The following COL19A1 variants were observed in gnomAD, a reference collection of about 807,000 sequenced individuals.
The protein encoded by COL19A1 is collagen type XIX alpha 1 chain, also known as collagen alpha-1(XIX) chain.
Under a neutral mutation model 190.2 loss-of-function variants are expected in COL19A1, and 159 were observed. The observed-to-expected ratio is 0.84, with a 90% confidence interval of 0.73 to 0.95. COL19A1 has a LOEUF of 0.95. Among genes scored for constraint, COL19A1 ranks in the 40% least tolerant of loss-of-function variants. The pLI is 0.00. For synonymous variants in COL19A1, 509 were observed against 458.9 expected (o/e 1.11, Z -1.39); for missense variants, 1,418 against 1,431.9 (o/e 0.99, Z 0.16).
intron 14 of COL19A1, among the ~76,000 whole-genome samples, chr6:70,060,129 T>C (rs1173129495): frequency 6.6e-6 from 1 of 152,152 alleles, no homozygotes; most frequent in African/African-American, 2.4e-5. Context: ...CTCATAGACA[T>C]CAGAGAATAG....
In COL19A1 at chr6:70,010,507, C is replaced by A. The variant is rs531287067; in HGVS notation, c.1027-13120C>A. Among the ~76,000 whole-genome samples, 7 of 142,382 alleles carry A rather than the reference C, an allele frequency of 4.9e-5. 1 individual carries two copies. Among genetic ancestry groups the A allele is most frequent in the South Asian group, 2.2e-4 (1 of 4,494 alleles). The allele number at this position is 142,382 out of a possible 152,430, so 93.4% of individuals were successfully genotyped here. A position where few individuals can be genotyped will look rare whatever the true frequency, so the allele number is the denominator to read the frequency against. On this transcript the variant is annotated intron_variant, in intron 11 of 50. Coordinates refer to ENST00000620364, the MANE Select transcript of COL19A1 (RefSeq NM_001858.6). Reference sequence around the variant, plus strand: ...GGCGCAGGCCAGTGTGTGTGCGCACCGTGCGCGAGCGGAAGCAGGGCGAGG... The same window carrying A: ...GGCGCAGGCCAGTGTGTGTGCGCACAGTGCGCGAGCGGAAGCAGGGCGAGG...
At chr6:70,039,084 T>C (rs575128316) in intron 14 of COL19A1, among the ~76,000 whole-genome samples, 3 of 152,050 alleles carry the variant, frequency 2.0e-5, no homozygotes, top group Non-Finnish European at 4.4e-5. Flanking sequence ...AATGGTTCTC[T>C]ATCTTGACTG....
intron 34 of COL19A1, among the ~76,000 whole-genome samples, chr6:70,159,521 C>T (rs540277061): frequency 1.3e-3 from 200 of 152,018 alleles, no homozygotes; most frequent in African/African-American, 4.7e-3. Context: ...AAGATTTGGC[C>T]CAAGACTTAT....
At chr6:70,095,976 G>A (rs747891622) in intron 15 of COL19A1, among the ~76,000 whole-genome samples, 7 of 152,046 alleles carry the variant, frequency 4.6e-5, no homozygotes, top group Non-Finnish European at 5.9e-5. Context: ...TGTCTATTGA[G>A]AATAATACTG....
chr6:69,914,889 A>G (rs1260386052), intron 4 of COL19A1, among the ~76,000 whole-genome samples: 4 of 152,248 alleles, frequency 2.6e-5, no homozygotes, highest in Admixed American at 2.0e-4. Context: ...CTTGCTTTTC[A>G]GTTCATGAGC....
intron 16 of COL19A1, among the ~76,000 whole-genome samples, chr6:70,117,369 A>G (rs1784636898): frequency 6.6e-6 from 1 of 152,218 alleles, no homozygotes; most frequent in Non-Finnish European, 1.5e-5. Context: ...CAAAACTGAA[A>G]TCTACTAAGG....
intron 31 of COL19A1, among the ~76,000 whole-genome samples, chr6:70,155,569 G>C (rs536575451): frequency 1.9e-4 from 29 of 152,250 alleles, no homozygotes; most frequent in African/African-American, 6.7e-4. Flanking sequence ...TATGACCTAG[G>C]AGTCAAGTTT....
At chr6:69,927,879 C>G in intron 4 of COL19A1, 30 bp from the exon 5 acceptor site, 9 of 1,579,560 alleles carry the variant, frequency 5.7e-6, no homozygotes, top group Non-Finnish European at 7.8e-6. Context: ...TCCAGTTTCC[C>G]CACAAAAGTT....
At chr6:70,196,539 G>A (rs1293202664) in intron 48 of COL19A1, among the ~76,000 whole-genome samples, 1 of 152,184 alleles carries the variant, frequency 6.6e-6, no homozygotes, top group East Asian at 1.9e-4. Flanking sequence ...ATAGAAGATA[G>A]ACATGGGCCA....
intron 8 of COL19A1, among the ~76,000 whole-genome samples, chr6:69,937,805 G>A (rs77229915): frequency 0.023 from 3,507 of 152,268 alleles, 134 homozygotes; most frequent in African/African-American, 0.078. Context: ...CTCATGGAAG[G>A]TCTGGAGGAG....
At chr6:69,921,174 T>C (rs932189380) in intron 4 of COL19A1, among the ~76,000 whole-genome samples, 1 of 129,984 alleles carries the variant, frequency 7.7e-6, no homozygotes, top group African/African-American at 2.8e-5. Flanking sequence ...TTCATATACG[T>C]ATCACATATA....
intron 9 of COL19A1, among the ~76,000 whole-genome samples, chr6:69,952,291 G>A (rs1402065246): frequency 4.0e-5 from 6 of 151,678 alleles, no homozygotes; most frequent in Admixed American, 1.3e-4. Flanking sequence ...CAAACATTCC[G>A]CGCTTGACTC....
intron 11 of COL19A1, among the ~76,000 whole-genome samples, chr6:69,992,748 C>T (rs879282838): frequency 3.9e-5 from 6 of 151,948 alleles, no homozygotes; most frequent in Non-Finnish European, 7.4e-5. Flanking sequence ...CGATTTGGCT[C>T]TCAGCTTGGA....
chr6:70,159,423 T>TACACAC (rs146845787), intron 34 of COL19A1, among the ~76,000 whole-genome samples: 25 of 148,878 alleles, frequency 1.7e-4, no homozygotes, highest in African/African-American at 3.7e-4. Context: ...CACATACACA[T>TACACAC]ACACACACAC....
intron 2 of COL19A1, among the ~76,000 whole-genome samples, chr6:69,880,690 A>G (rs1768480034): frequency 6.6e-6 from 1 of 152,148 alleles, no homozygotes; most frequent in Non-Finnish European, 1.5e-5. Context: ...TTCACATGAA[A>G]GTTTGAATAT....
chr6:70,066,795 C>T (rs1781246618), intron 14 of COL19A1, among the ~76,000 whole-genome samples: 1 of 151,840 alleles, frequency 6.6e-6, no homozygotes, highest in Admixed American at 6.6e-5. Context: ...AGAATTTCTT[C>T]TGGAATAAGG....
At chr6:70,048,344 GAAACA>G (rs759025594) in intron 14 of COL19A1, among the ~76,000 whole-genome samples, 17 of 152,058 alleles carry the variant, frequency 1.1e-4, no homozygotes, top group Non-Finnish European at 1.8e-4. Context: ...GTATGTACAA[GAAACA>G]AAAATAACTG....
At chr6:69,912,633 G>T (rs1445579089) in intron 4 of COL19A1, among the ~76,000 whole-genome samples, 1 of 152,158 alleles carries the variant, frequency 6.6e-6, no homozygotes, top group Non-Finnish European at 1.5e-5. Flanking sequence ...ACTGTGTGAG[G>T]TGTGCATGTG....
chr6:70,059,706 T>A, intron 14 of COL19A1: 7 of 453,804 alleles, frequency 1.5e-5, no homozygotes, highest in South Asian at 1.2e-4. Context: ...TCCAGAATTG[T>A]GTTAAACGGA....
Sources: allele counts gnomAD v4.1 joint callset (sites outside exome capture counted in the v4.1 genomes callset), GRCh38; gene constraint gnomAD v4.1.1; transcripts MANE v1.5; gene names NCBI Gene and HGNC (gene_info 2026-07-23, HGNC 2026-07-21).